The following INPP5D variants were observed in gnomAD, a reference collection of about 807,000 sequenced individuals.
The protein encoded by INPP5D is phosphatidylinositol 3,4,5-trisphosphate 5-phosphatase 1.
Under a neutral mutation model 122.9 loss-of-function variants are expected in INPP5D, and 33 were observed. The observed-to-expected ratio is 0.27, with a 90% CI of 0.20 to 0.36. The LOEUF (loss-of-function observed/expected upper bound fraction) is 0.36, where lower values mean the gene tolerates loss of function less well. Ranked by LOEUF, INPP5D falls within the 10% of genes least tolerant of loss-of-function variation. The pLI, the probability that INPP5D is intolerant of heterozygous loss-of-function variation, is 1.00. For synonymous variants in INPP5D, 584 were observed against 576.2 expected (o/e 1.01, Z -0.19); for missense variants, 1,053 against 1,412.7 (o/e 0.75, Z 4.08).
intron 6 of INPP5D, chr2:233,145,144 C>T (rs1187696859): frequency 4.5e-6 from 2 of 443,070 alleles, no homozygotes; most frequent in Non-Finnish European, 9.1e-6. Flanking sequence ...TACATTTCCA[C>T]ACCTGGCAGC....
At chr2:233,094,005 G>A (rs1366833365) in intron 2 of INPP5D, among the ~76,000 whole-genome samples, 1 of 152,020 alleles carries the variant, frequency 6.6e-6, no homozygotes, top group Non-Finnish European at 1.5e-5. Flanking sequence ...TCCCCTGCCT[G>A]GTAGAGCCCA....
At position 233,065,467 on chromosome 2, in the gene INPP5D, C is replaced by T. The variant is rs533364746; in HGVS notation, c.134+4855C>T. Among the ~76,000 whole-genome samples, 16 of 48,830 alleles carry T rather than the reference C, an allele frequency of 3.3e-4. No homozygotes were observed. The South Asian group carries it at 6.9e-3, about 21-fold the overall frequency. The allele number at this position is 48,830 out of a possible 152,430, so 32.0% of individuals were successfully genotyped here. ...GGATTACAGGTGCCTGCCACCACAC[C>T]GGGCTAATTTTTTTTTTGTGTTATC... On this transcript the variant is annotated intron_variant, in intron 1 of 26. Coordinates refer to ENST00000445964, the MANE Select transcript of INPP5D (RefSeq NM_001017915.3).
chr2:233,150,978 T>A (rs1479995843), intron 9 of INPP5D, among the ~76,000 whole-genome samples: 2 of 152,140 alleles, frequency 1.3e-5, no homozygotes, highest in Non-Finnish European at 1.5e-5. Flanking sequence ...ACATTACATG[T>A]TGCTCATCTC....
At chr2:233,204,798 G>A (rs1175779201) in intron 26 of INPP5D, 81 bp downstream of exon 26, 15 of 1,307,794 alleles carry the variant, frequency 1.1e-5, no homozygotes, top group South Asian at 3.2e-5. Context: ...CTATGCATAT[G>A]TGTGTGCATG....
intron 21 of INPP5D, among the ~76,000 whole-genome samples, chr2:233,187,010 C>T (rs1351767115): frequency 6.6e-6 from 1 of 151,824 alleles, no homozygotes; most frequent in African/African-American, 2.4e-5. Context: ...GCCACCGCAT[C>T]CAGCCTAAAA....
At chr2:233,199,178 C>T (rs1446233583) in intron 25 of INPP5D, among the ~76,000 whole-genome samples, 1 of 151,996 alleles carries the variant, frequency 6.6e-6, no homozygotes, top group Non-Finnish European at 1.5e-5. Flanking sequence ...GCAGAGGTTG[C>T]AGTGAGCCAA....
In INPP5D at chr2:233,128,121, A is replaced by G. The variant is rs1481637501; in HGVS notation, c.524+2202A>G. ...TGCCTCCTGTCAGATCAGCGGTGGC[A>G]TTAGATTCTCATGAGTGTGAACCCG... On this transcript the variant is annotated intron_variant, in intron 4 of 26. Transcript: ENST00000445964. This position sits in a 1 kb window ranked among gnomAD's most constrained non-coding sequence, Gnocchi z 4.5. 6.6e-6 allele frequency among the ~76,000 whole-genome samples: 1 copy of G among 152,180 alleles called. No homozygotes were observed. Among genetic ancestry groups the G allele is most frequent in the Non-Finnish European group, 1.5e-5 (1 of 68,028 alleles).
At chr2:233,111,342 T>C (rs1354412043) in intron 2 of INPP5D, among the ~76,000 whole-genome samples, 3 of 152,066 alleles carry the variant, frequency 2.0e-5, no homozygotes, top group Non-Finnish European at 4.4e-5. Context: ...AAGTTATATA[T>C]AACTTTTATA....
intron 5 of INPP5D, among the ~76,000 whole-genome samples, chr2:233,135,205 T>TC (rs939782392): frequency 5.3e-5 from 8 of 151,752 alleles, no homozygotes; most frequent in Non-Finnish European, 7.4e-5. Context: ...TTTTTTTTTT[T>TC]TCTTATAAAG....
chr2:233,187,259 C>T (rs569980085), intron 21 of INPP5D, among the ~76,000 whole-genome samples: 1 of 152,002 alleles, frequency 6.6e-6, no homozygotes, highest in Non-Finnish European at 1.5e-5. Context: ...TGGGTGTCCT[C>T]GAGTACAAGC....
At chr2:233,150,196 C>G (rs992116890) in intron 9 of INPP5D, among the ~76,000 whole-genome samples, 3 of 152,204 alleles carry the variant, frequency 2.0e-5, no homozygotes, top group Non-Finnish European at 2.9e-5. Context: ...ATAATCCCCA[C>G]TTGTCATGGG....
intron 9 of INPP5D, among the ~76,000 whole-genome samples, chr2:233,155,118 G>T (rs1433648307): frequency 6.6e-6 from 1 of 151,940 alleles, no homozygotes; most frequent in Non-Finnish European, 1.5e-5. Context: ...AAATGAAAGT[G>T]AAAAAGGATG....
intron 17 of INPP5D, among the ~76,000 whole-genome samples, chr2:233,175,790 C>G (rs376948082): frequency 1.3e-5 from 2 of 151,702 alleles, no homozygotes; most frequent in Non-Finnish European, 2.9e-5. Context: ...TCAAGCGATT[C>G]TCCTGCCTCA....
chr2:233,130,422 T>G, intron 4 of INPP5D, 86 bp from the exon 5 acceptor site: 4 of 1,419,086 alleles, frequency 2.8e-6, no homozygotes, highest in Non-Finnish European at 2.9e-6. Context: ...AGGATGAGGA[T>G]TTGTTATTGT....
At chr2:233,066,420 G>A (rs1691228518) in intron 1 of INPP5D, among the ~76,000 whole-genome samples, 1 of 152,190 alleles carries the variant, frequency 6.6e-6, no homozygotes, top group South Asian at 2.1e-4. Context: ...GCACTCCTGA[G>A]GAGCAAGGCT....
chr2:233,094,099 C>G (rs1049840517), intron 2 of INPP5D, among the ~76,000 whole-genome samples: 10 of 151,884 alleles, frequency 6.6e-5, no homozygotes, highest in African/African-American at 2.4e-4. Context: ...ACCCCCTCCC[C>G]CCCCAAAAAA....
rs1426236501 is a variant in INPP5D at position 233,170,002 on chromosome 2, A to G, written c.1653-24A>G. 3 of 1,613,910 alleles carry G rather than the reference A, an allele frequency of 1.9e-6. No homozygotes were observed. Among genetic ancestry groups the G allele is most frequent in the Non-Finnish European group, 2.5e-6 (3 of 1,179,838 alleles). ...GGGGGAACCAGTGACCCCGTGCTAG[A>G]TGGCCGCTTTTTCCTTGCATTAGGC... On this transcript the variant is annotated intron_variant, in intron 14 of 26. Coordinates refer to ENST00000445964, the MANE Select transcript of INPP5D (RefSeq NM_001017915.3). The surrounding 1 kb of genome is among the most constrained non-coding windows in gnomAD (Gnocchi z 4.5).
At chr2:233,101,432 C>T (rs1051256091) in intron 2 of INPP5D, among the ~76,000 whole-genome samples, 38 of 151,966 alleles carry the variant, frequency 2.5e-4, no homozygotes, top group African/African-American at 8.0e-4. Flanking sequence ...CCTGTCACAC[C>T]TGTTAGGAGT....
In INPP5D at chr2:233,177,508, G is replaced by A. The variant is rs996665182; in HGVS notation, c.2071+162G>A. 6.6e-6 allele frequency among the ~76,000 whole-genome samples: 1 copy of A among 152,232 alleles called. No individual in the cohort carries two copies. Among genetic ancestry groups the A allele is most frequent in the African/African-American group, 2.4e-5 (1 of 41,466 alleles). On this transcript the variant is annotated intron_variant, in intron 18 of 26. Transcript: ENST00000445964. The surrounding 1 kb of genome is among the most constrained non-coding windows in gnomAD (Gnocchi z 4.2). Reference sequence around the variant, plus strand: ...GACCTGGAAATGTTGATGCTTCCCTGCCTGTCTTGTGCTGCCACCTAATCC... The same window carrying A: ...GACCTGGAAATGTTGATGCTTCCCTACCTGTCTTGTGCTGCCACCTAATCC...
Sources: allele counts gnomAD v4.1 joint callset (sites outside exome capture counted in the v4.1 genomes callset), GRCh38; gene constraint gnomAD v4.1.1; non-coding constraint Gnocchi (gnomAD v3.1); transcripts MANE v1.5; gene names NCBI Gene and HGNC (gene_info 2026-07-23, HGNC 2026-07-21).